The following MALRD1 variants were observed in gnomAD, a reference collection of about 807,000 sequenced individuals.
The protein encoded by MALRD1 is MAM and LDL receptor class A domain containing 1, also known as MAM and LDL-receptor class A domain-containing protein 1.
Under a neutral mutation model 242.1 loss-of-function variants are expected in MALRD1, and 247 were observed. That is an observed-to-expected ratio of 1.02 (90% CI 0.92 to 1.13). MALRD1 has a LOEUF of 1.13. MALRD1 is among the 50% of genes most tolerant of loss of function. The pLI is 0.00. For synonymous variants in MALRD1, 995 were observed against 866.6 expected (o/e 1.15, Z -2.60); for missense variants, 2,989 against 2,533.1 (o/e 1.18, Z -3.86).
chr10:19,078,788 T>C (rs1280888611), intron 2 of MALRD1, among the ~76,000 whole-genome samples: 1 of 151,838 alleles, frequency 6.6e-6, no homozygotes, highest in East Asian at 1.9e-4. Flanking sequence ...CTAGGTTATC[T>C]AATTTGGTAG....
At chr10:19,598,630 C>G (rs1838218410) in intron 34 of MALRD1, among the ~76,000 whole-genome samples, 1 of 151,924 alleles carries the variant, frequency 6.6e-6, no homozygotes, top group African/African-American at 2.4e-5. Flanking sequence ...ACCTGAGACC[C>G]ATGCACATGA....
At chr10:19,509,891 A>G (rs1197188214) in intron 31 of MALRD1, among the ~76,000 whole-genome samples, 3 of 152,168 alleles carry the variant, frequency 2.0e-5, no homozygotes, top group Non-Finnish European at 1.5e-5. Flanking sequence ...AGACACAGAG[A>G]CAAAGTATAG....
chr10:19,551,784 A>T (rs1835481500), intron 32 of MALRD1, among the ~76,000 whole-genome samples: 2 of 152,070 alleles, frequency 1.3e-5, no homozygotes, highest in African/African-American at 4.8e-5. Context: ...TAGTTTATTG[A>T]GAGTTTTTAA....
chr10:19,672,381 A>G (rs1163706615), intron 36 of MALRD1, among the ~76,000 whole-genome samples: 1 of 146,430 alleles, frequency 6.8e-6, no homozygotes, highest in Non-Finnish European at 1.5e-5. Flanking sequence ...TAGATGTGTT[A>G]TATTTGATTG....
At chr10:19,695,373 C>T (rs1164482312) in intron 38 of MALRD1, among the ~76,000 whole-genome samples, 1 of 151,988 alleles carries the variant, frequency 6.6e-6, no homozygotes, top group Non-Finnish European at 1.5e-5. Flanking sequence ...AGTGTATTAG[C>T]CTTTTCTCAC....
intron 5 of MALRD1, among the ~76,000 whole-genome samples, chr10:19,120,747 TTTG>T (rs896331088): frequency 6.6e-6 from 1 of 152,196 alleles, no homozygotes; most frequent in African/African-American, 2.4e-5. Flanking sequence ...TGTACACTTT[TTTG>T]TTGTTGTTGT....
chr10:19,234,629 C>CT (rs1838221416), intron 18 of MALRD1, among the ~76,000 whole-genome samples: 2 of 62,468 alleles, frequency 3.2e-5, no homozygotes, highest in African/African-American at 1.3e-4. Flanking sequence ...GGGAGCTTAT[C>CT]TTTAAAAAAA....
At chr10:19,357,147 C>G (rs1323834000) in intron 26 of MALRD1, among the ~76,000 whole-genome samples, 1 of 151,626 alleles carries the variant, frequency 6.6e-6, no homozygotes, top group Admixed American at 6.6e-5. Flanking sequence ...AAATGCACCT[C>G]AAGGTCAAAT....
intron 18 of MALRD1, among the ~76,000 whole-genome samples, chr10:19,231,567 T>A (rs1838071484): frequency 1.3e-5 from 2 of 151,944 alleles, no homozygotes; most frequent in African/African-American, 2.4e-5. Flanking sequence ...CTCGTGGTAG[T>A]GAATAAGTCT....
intron 19 of MALRD1, among the ~76,000 whole-genome samples, chr10:19,259,861 A>T (rs1300053551): frequency 6.6e-6 from 1 of 151,866 alleles, no homozygotes. Flanking sequence ...GGCATTTTCT[A>T]TTTCTATTCC....
intron 18 of MALRD1, among the ~76,000 whole-genome samples, chr10:19,257,412 A>G (rs973145872): frequency 6.6e-6 from 1 of 152,104 alleles, no homozygotes; most frequent in African/African-American, 2.4e-5. Flanking sequence ...GTGGATATCA[A>G]TCTAATATAC....
chr10:19,615,790 T>G, intron 35 of MALRD1, 67 bp from the exon 36 acceptor site: 2 of 1,215,302 alleles, frequency 1.6e-6, no homozygotes, highest in Non-Finnish European at 2.3e-6. Flanking sequence ...TGACAAATAG[T>G]GATATCTTCT....
Position 19,377,283 on chromosome 10 carries a change from A to G in MALRD1, c.4442-10245A>G, listed in dbSNP as rs547181943. Reference sequence around the variant, plus strand: ...TGTGTTTTTAAAAAAGGAAAGGAATAATGCATGGGTTATTTTTATATATTA... The same window carrying G: ...TGTGTTTTTAAAAAAGGAAAGGAATGATGCATGGGTTATTTTTATATATTA... On this transcript the variant is annotated intron_variant, in intron 26 of 39. Coordinates refer to ENST00000454679, the MANE Select transcript of MALRD1 (RefSeq NM_001142308.3). 3.9e-5 allele frequency among the ~76,000 whole-genome samples: 6 copies of G among 152,294 alleles called. No homozygotes were observed. In the East Asian group the frequency reaches 1.2e-3, roughly 29 times the overall value.
chr10:19,249,658 A>G (rs935598806), intron 18 of MALRD1, among the ~76,000 whole-genome samples: 22 of 152,040 alleles, frequency 1.4e-4, no homozygotes, highest in African/African-American at 4.3e-4. Flanking sequence ...AAATACTTAT[A>G]TGATTCTAAA....
chr10:19,103,914 C>A, intron 4 of MALRD1, 65 bp from the exon 5 acceptor site: 1 of 984,526 alleles, frequency 1.0e-6, no homozygotes, highest in Non-Finnish European at 1.3e-6. Flanking sequence ...TTTTATAACA[C>A]TGTGAGACAG....
chr10:19,229,940 A>T (rs76139910), intron 18 of MALRD1, among the ~76,000 whole-genome samples: 2 of 151,980 alleles, frequency 1.3e-5, no homozygotes, highest in Non-Finnish European at 2.9e-5. Flanking sequence ...CATAATTCAC[A>T]TGTTGTGGGA....
intron 21 of MALRD1, among the ~76,000 whole-genome samples, chr10:19,312,943 T>TC (rs1367648666): frequency 1.3e-5 from 2 of 151,400 alleles, no homozygotes; most frequent in Non-Finnish European, 3.0e-5. Flanking sequence ...CGGAACATCT[T>TC]CCAAGAGGTC....
intron 18 of MALRD1, among the ~76,000 whole-genome samples, chr10:19,218,299 T>C (rs1410924734): frequency 6.6e-6 from 1 of 152,164 alleles, no homozygotes; most frequent in African/African-American, 2.4e-5. Flanking sequence ...TGATTTACAT[T>C]CCAGTAGTAG....
intron 28 of MALRD1, among the ~76,000 whole-genome samples, chr10:19,402,984 T>A (rs1389087372): frequency 1.5e-5 from 2 of 137,484 alleles, no homozygotes; most frequent in Non-Finnish European, 3.1e-5. Context: ...AAATGGCTCA[T>A]TGTAGACTCA....
Sources: allele counts gnomAD v4.1 joint callset (sites outside exome capture counted in the v4.1 genomes callset), GRCh38; gene constraint gnomAD v4.1.1; transcripts MANE v1.5; gene names NCBI Gene and HGNC (gene_info 2026-07-23, HGNC 2026-07-21).